MYO16: variants seen among roughly 807,000 people sequenced by gnomAD.
The protein encoded by MYO16 is unconventional myosin-XVI.
Under a neutral mutation model 205.3 loss-of-function variants are expected in MYO16, and 94 were observed. The ratio of observed to expected loss-of-function variants is 0.46; its 90% CI spans 0.39 to 0.54. The LOEUF is 0.54. Ranked by LOEUF, MYO16 falls within the 20% of genes least tolerant of loss-of-function variation. The pLI, the probability that MYO16 is intolerant of heterozygous loss-of-function variation, is 0.00. For synonymous variants in MYO16, 988 were observed against 954.0 expected (o/e 1.04, Z -0.66); for missense variants, 2,315 against 2,387.5 (o/e 0.97, Z 0.63).
chr13:108,643,819 C>T (rs1188721273), intron 1 of MYO16, among the ~76,000 whole-genome samples: 1 of 152,150 alleles, frequency 6.6e-6, no homozygotes, highest in Non-Finnish European at 1.5e-5. Flanking sequence ...CTCAGGTAAA[C>T]ACTTAAATAC....
chr13:108,570,575 C>A, the MYO16 span, among the ~76,000 whole-genome samples: 12 of 152,312 alleles, frequency 7.9e-5, no homozygotes, highest in East Asian at 2.3e-3. Flanking sequence ...TGTGATAACA[C>A]ACCAATGAAG....
chr13:108,665,977 T>C lies in MYO16; in HGVS notation c.120T>C (p.Arg40=). Residue 40 remains arginine, a synonymous_variant, in exon 2 of 35, where the codon CGT becomes CGC. Coordinates refer to ENST00000457511, the MANE Select transcript of MYO16 (RefSeq NM_001198950.3). Reference sequence around the variant, plus strand: ...CCCTTCCCCTTGGCCAACGGCAGCGTCTAGTGAAGCGCATGCGCTGTGAGC... The same window carrying C: ...CCCTTCCCCTTGGCCAACGGCAGCGCCTAGTGAAGCGCATGCGCTGTGAGC... ...LESLPLGQRQ[R]LVKRMRCEQI... 1 of 1,614,064 alleles carries C rather than the reference T, an allele frequency of 6.2e-7. No homozygotes were observed. Among genetic ancestry groups the C allele is most frequent in the Non-Finnish European group, 8.5e-7 (1 of 1,179,980 alleles).
At chr13:108,713,525 A>G (rs1883803978) in intron 3 of MYO16, among the ~76,000 whole-genome samples, 1 of 152,214 alleles carries the variant, frequency 6.6e-6, no homozygotes, top group African/African-American at 2.4e-5. Flanking sequence ...TTATTAAAAT[A>G]CTGACACCTG....
the MYO16 span, among the ~76,000 whole-genome samples, chr13:108,575,595 TA>T: frequency 6.6e-6 from 1 of 152,136 alleles, no homozygotes; most frequent in East Asian, 1.9e-4. Context: ...GGATTTCCCC[TA>T]ATAAACTCTC....
intron 4 of MYO16, among the ~76,000 whole-genome samples, chr13:108,732,917 A>C (rs2139595037): frequency 6.6e-6 from 1 of 152,304 alleles, no homozygotes; most frequent in Admixed American, 6.5e-5. Context: ...GTCACAGATG[A>C]CTTCCACTTT....
chr13:108,592,959 C>T (rs1878444520), upstream of MYO16, among the ~76,000 whole-genome samples: 2 of 152,070 alleles, frequency 1.3e-5, no homozygotes, highest in South Asian at 4.1e-4. Context: ...AATCACGCTT[C>T]CTTCCAAATA....
intron 4 of MYO16, among the ~76,000 whole-genome samples, chr13:108,751,491 A>G (rs1361326712): frequency 6.6e-6 from 1 of 152,234 alleles, no homozygotes; most frequent in African/African-American, 2.4e-5. Flanking sequence ...ACTGTGCTGA[A>G]GATTTCCAAA....
the MYO16 span, among the ~76,000 whole-genome samples, chr13:108,577,358 G>A: frequency 7.2e-5 from 11 of 152,282 alleles, no homozygotes; most frequent in Middle Eastern, 3.4e-3. Context: ...TATATAGGAT[G>A]AGGATAATGA....
chr13:108,539,148 A>C, the MYO16 span, among the ~76,000 whole-genome samples: 1 of 152,112 alleles, frequency 6.6e-6, no homozygotes, highest in African/African-American at 2.4e-5. Context: ...CATGTCCTGT[A>C]CCTGAGTTAA....
the MYO16 span, among the ~76,000 whole-genome samples, chr13:108,539,150 C>T: frequency 3.9e-5 from 6 of 152,032 alleles, no homozygotes; most frequent in South Asian, 2.1e-4. Flanking sequence ...TGTCCTGTAC[C>T]TGAGTTAAGA....
At chr13:108,982,614 G>T (rs1306083871) in intron 20 of MYO16, among the ~76,000 whole-genome samples, 2 of 152,004 alleles carry the variant, frequency 1.3e-5, no homozygotes, top group Non-Finnish European at 2.9e-5. Context: ...TTTTTTAAAG[G>T]GTAATAGGAA....
At chr13:108,958,510 G>A (rs573237525) in intron 17 of MYO16, among the ~76,000 whole-genome samples, 29 of 152,212 alleles carry the variant, frequency 1.9e-4, no homozygotes, top group South Asian at 1.2e-3. Context: ...GATCATGGCC[G>A]TGCCGTAGAA....
intron 2 of MYO16, among the ~76,000 whole-genome samples, chr13:108,706,981 G>A (rs1029834223): frequency 6.6e-6 from 1 of 152,172 alleles, no homozygotes; most frequent in Non-Finnish European, 1.5e-5. Flanking sequence ...ACCTAATGCA[G>A]CCTTGACTTC....
At chr13:108,623,654 A>G (rs1227929526) in intron 1 of MYO16, among the ~76,000 whole-genome samples, 1 of 152,186 alleles carries the variant, frequency 6.6e-6, no homozygotes, top group Non-Finnish European at 1.5e-5. Flanking sequence ...TTAATAAAAT[A>G]TTCCTCAAGA....
intron 34 of MYO16, among the ~76,000 whole-genome samples, chr13:109,191,939 C>T (rs1879934892): frequency 6.6e-6 from 1 of 152,132 alleles, no homozygotes; most frequent in African/African-American, 2.4e-5. Flanking sequence ...TGTTTCTGCT[C>T]AAGATATCAG....
At chr13:108,867,478 C>T (rs1012411796) in intron 12 of MYO16, among the ~76,000 whole-genome samples, 2 of 152,188 alleles carry the variant, frequency 1.3e-5, no homozygotes, top group Non-Finnish European at 2.9e-5. Flanking sequence ...ATGCCAACCT[C>T]ACCCTGTGCA....
rs760548308 is a variant in MYO16, at chr13:109,009,022, G to T, written c.2568G>T (p.Gln856His). The T allele has an allele frequency of 6.3e-7, 1 of 1,597,216 alleles. No homozygotes were observed. The highest frequency in any genetic ancestry group is 8.5e-7 in the Non-Finnish European group (1 of 1,175,074). Residue 856 changes from glutamine (Q) to histidine (H), a missense_variant, in exon 22 of 35, where the codon CAG (glutamine) becomes CAT (histidine). By Grantham distance (24) the Gln-to-His change is conservative (BLOSUM62 0). Transcript: ENST00000457511. ...AAACAGCATATTCTCCTGGTAACCA[G>T]AATGGAGTTTTGGACTTTTTTTTCC... The part of the protein sequence containing the change: ...TMETAYSPGN[Q>H]NGVLDFFFQK...
rs551903076 is a variant in MYO16, at chr13:109,092,520, A to C, written c.3336-8265A>C. ...CTGCGTGTTCTCACTTATAAGTGGG[A>C]GTTAAATGATAAGAACTCATGAACA... is the stretch of plus-strand genomic sequence containing the variant. On this transcript the variant is annotated intron_variant, in intron 27 of 34. Transcript: ENST00000457511. Among the ~76,000 whole-genome samples, 8 of 152,336 alleles carry C rather than the reference A, an allele frequency of 5.3e-5. No homozygotes were observed. The East Asian group carries it at 1.5e-3, about 29-fold the overall frequency.
chr13:108,880,317 G>A (rs1879550197), intron 12 of MYO16, among the ~76,000 whole-genome samples: 1 of 152,172 alleles, frequency 6.6e-6, no homozygotes, highest in African/African-American at 2.4e-5. Context: ...TAGGTTGCCT[G>A]TTCACTCTGA....
Sources: gnomAD v4.1 joint callset for allele counts (sites outside exome capture counted in the v4.1 genomes callset) on GRCh38, gnomAD v4.1.1 for gene constraint, MANE v1.5 for transcripts, NCBI Gene and HGNC (gene_info 2026-07-23, HGNC 2026-07-21) for gene names.